Variants in ACOT12 observed in about 807,000 individuals in gnomAD.
ACOT12 encodes acyl-CoA thioesterase 12, also known as acetyl-coenzyme A thioesterase.
Under a neutral mutation model 67.7 loss-of-function variants are expected in ACOT12, and 51 were observed. That is an observed-to-expected ratio of 0.75 (90% CI 0.60 to 0.95). ACOT12 has a LOEUF of 0.95. ACOT12 is among the 40% of genes least tolerant of loss of function. The pLI, the probability that ACOT12 is intolerant of heterozygous loss-of-function variation, is 0.00. For missense variants in ACOT12, 734 were observed against 708.1 expected, an observed-to-expected ratio of 1.04 and a Z score of -0.41; for synonymous variants, 251 against 244.6, an observed-to-expected ratio of 1.03 and a Z score of -0.24.
the ACOT12 span, among the ~76,000 whole-genome samples, chr5:81,323,542 T>C: frequency 6.6e-6 from 1 of 152,170 alleles, no homozygotes; most frequent in Admixed American, 6.5e-5. Flanking sequence ...TAACATTCCA[T>C]TGATGTGTCA....
the ACOT12 span, among the ~76,000 whole-genome samples, chr5:81,321,044 C>A: frequency 2.0e-5 from 3 of 152,104 alleles, no homozygotes; most frequent in Admixed American, 6.6e-5. Context: ...TCGCTTGAAT[C>A]CAGCAGCTCA....
the ACOT12 span, among the ~76,000 whole-genome samples, chr5:81,323,853 T>C: frequency 6.0e-3 from 853 of 142,264 alleles, 7 homozygotes; most frequent in African/African-American, 0.02. Context: ...TATATGTACA[T>C]GTATATGCAT....
chr5:81,364,893 T>C (rs989771176), intron 3 of ACOT12, among the ~76,000 whole-genome samples: 2 of 152,178 alleles, frequency 1.3e-5, no homozygotes, highest in African/African-American at 4.8e-5. Flanking sequence ...TTCCTTTTTT[T>C]AAATGTCTCT....
At chr5:81,343,733 C>T (rs1298857803) in intron 10 of ACOT12, 85 bp downstream of exon 10, 1 of 1,359,822 alleles carries the variant, frequency 7.4e-7, no homozygotes, top group Non-Finnish European at 1.0e-6. Flanking sequence ...TGCGTAGGCA[C>T]AGCCTAGGCC....
At chr5:81,374,686 A>T (rs146676604) in intron 2 of ACOT12, among the ~76,000 whole-genome samples, 16,188 of 152,222 alleles carry the variant, frequency 0.11, 910 homozygotes, top group South Asian at 0.13. Flanking sequence ...CGAGAACTTC[A>T]TGAAGCATAA....
the ACOT12 span, among the ~76,000 whole-genome samples, chr5:81,322,500 T>C: frequency 6.7e-6 from 1 of 149,492 alleles, no homozygotes; most frequent in Non-Finnish European, 1.5e-5. Flanking sequence ...TGTTAGATAA[T>C]AAGAATTTAA....
chr5:81,311,235 C>G, the ACOT12 span: 1 of 1,613,982 alleles, frequency 6.2e-7, no homozygotes. Context: ...CTTTGTGGCT[C>G]TGTGGAACAT....
chr5:81,351,891 C>T (rs1455453172), intron 5 of ACOT12, among the ~76,000 whole-genome samples: 1 of 152,020 alleles, frequency 6.6e-6, no homozygotes, highest in Admixed American at 6.6e-5. Context: ...ATATAAGGAG[C>T]TTAAACAGCA....
chr5:81,330,477 A>G lies in ACOT12; in HGVS notation c.1585T>C (p.Ser529Pro). 1 of 1,614,166 alleles carries G rather than the reference A, an allele frequency of 6.2e-7. No homozygotes were observed. Among genetic ancestry groups the G allele is most frequent in the Non-Finnish European group, 8.5e-7 (1 of 1,179,992 alleles). Residue 529 changes from serine to proline, a missense_variant, in exon 15 of 15, where the codon TCA becomes CCA. Coordinates refer to ENST00000307624, the MANE Select transcript of ACOT12 (RefSeq NM_130767.3). ...GCTGCTGTTTCTTCAATGGATTTTG[A>G]CCAGCCACCAAGATTTCCAGCAAAG... ...PYFAGNLGGW[S>P]KSIEETAASC...
At chr5:81,369,310 A>G (rs1760175444) in intron 3 of ACOT12, among the ~76,000 whole-genome samples, 1 of 152,220 alleles carries the variant, frequency 6.6e-6, no homozygotes, top group Non-Finnish European at 1.5e-5. Context: ...GGTTTGGCAC[A>G]GAGCAGAGTT....
chr5:81,338,768 T>A (rs1042733257), intron 11 of ACOT12, among the ~76,000 whole-genome samples: 12 of 152,346 alleles, frequency 7.9e-5, no homozygotes, highest in Non-Finnish European at 1.3e-4. Flanking sequence ...TTCATTCTAA[T>A]AAGATTCTTT....
chr5:81,338,441 T>C (rs912626646), intron 11 of ACOT12, among the ~76,000 whole-genome samples: 4 of 152,274 alleles, frequency 2.6e-5, no homozygotes, highest in Middle Eastern at 3.4e-3. Context: ...CCCCTCTCTC[T>C]TCCTCCTGCT....
intron 4 of ACOT12, among the ~76,000 whole-genome samples, chr5:81,362,646 A>T (rs974010765): frequency 2.6e-5 from 4 of 152,048 alleles, no homozygotes; most frequent in Non-Finnish European, 5.9e-5. Flanking sequence ...TCTCACTTCC[A>T]AGAGTCTGGA....
At chr5:81,332,201 T>C (rs1758849860) in intron 13 of ACOT12, among the ~76,000 whole-genome samples, 3 of 152,206 alleles carry the variant, frequency 2.0e-5, no homozygotes, top group African/African-American at 7.2e-5. Flanking sequence ...TTACTAATCA[T>C]GGTATGTTTC....
the ACOT12 span, chr5:81,312,503 T>A: frequency 6.7e-7 from 1 of 1,502,130 alleles, no homozygotes; most frequent in Non-Finnish European, 9.2e-7. Context: ...TGCATTTGAT[T>A]ACTGTTTTTC....
At chr5:81,325,581 T>C (rs983404607), downstream of ACOT12, among the ~76,000 whole-genome samples, 1 of 152,194 alleles carries the variant, frequency 6.6e-6, no homozygotes, top group Non-Finnish European at 1.5e-5. Flanking sequence ...AAAGCGGGAA[T>C]GAGTTGTGTC....
At chr5:81,380,083 CAATT>C (rs1760534363) in intron 2 of ACOT12, among the ~76,000 whole-genome samples, 2 of 152,238 alleles carry the variant, frequency 1.3e-5, no homozygotes, top group Admixed American at 6.5e-5. Context: ...TTTATTTAAG[CAATT>C]AATTCCTATA....
At chr5:81,346,503 G>T (rs1348661456) in intron 6 of ACOT12, among the ~76,000 whole-genome samples, 2 of 152,170 alleles carry the variant, frequency 1.3e-5, no homozygotes, top group Admixed American at 6.5e-5. Flanking sequence ...AGCCTGAAAG[G>T]CTAGGAGATA....
At chr5:81,375,099 A>G (rs902203310) in intron 2 of ACOT12, among the ~76,000 whole-genome samples, 39 of 152,326 alleles carry the variant, frequency 2.6e-4, no homozygotes, top group African/African-American at 7.7e-4. Context: ...GAGAAAGGTC[A>G]GGTTACCCAC....
Sources: allele counts gnomAD v4.1 joint callset (sites outside exome capture counted in the v4.1 genomes callset), GRCh38; gene constraint gnomAD v4.1.1; transcripts MANE v1.5; gene names NCBI Gene and HGNC (gene_info 2026-07-23, HGNC 2026-07-21).